UBXN2A: variants seen among roughly 807,000 people sequenced by gnomAD.
UBXN2A encodes the protein UBX domain protein 2A.
A neutral mutation model predicts 28.4 loss-of-function variants in UBXN2A; 28 were observed. The observed-to-expected ratio is 0.99, with a 90% confidence interval of 0.73 to 1.35. The LOEUF (loss-of-function observed/expected upper bound fraction) is 1.35. UBXN2A is among the 40% of genes most tolerant of loss of function. UBXN2A has a pLI of 0.00. For synonymous variants in UBXN2A, 97 were observed against 103.6 expected (o/e 0.94, Z 0.39); for missense variants, 253 against 297.9 (o/e 0.85, Z 1.11).
chr2:23,982,316 G>A (rs1018758692), intron 4 of UBXN2A, among the ~76,000 whole-genome samples: 3 of 151,610 alleles, frequency 2.0e-5, no homozygotes, highest in East Asian at 1.9e-4. Flanking sequence ...GCAGTGGGCC[G>A]AGATCGTGCC....
chr2:23,981,476 T>TAAAAAAAAAAAAA (rs55665209), intron 4 of UBXN2A, among the ~76,000 whole-genome samples: 1 of 28,910 alleles, frequency 3.5e-5, no homozygotes, highest in Non-Finnish European at 5.6e-5. Flanking sequence ...AGCTCCTATC[T>TAAAAAAAAAAAAA]AAAAAAAAAA....
intron 3 of UBXN2A, among the ~76,000 whole-genome samples, chr2:23,975,502 A>C (rs557499922): frequency 2.0e-5 from 3 of 152,320 alleles, no homozygotes; most frequent in African/African-American, 7.2e-5. Flanking sequence ...ACATTTTAAA[A>C]AGTGTTTGTG....
chr2:23,928,597 C>T (rs1053035819), intron 1 of UBXN2A, among the ~76,000 whole-genome samples: 2 of 151,848 alleles, frequency 1.3e-5, no homozygotes, highest in African/African-American at 2.4e-5. Context: ...AAATAAAATT[C>T]ACAGTACATT....
intron 3 of UBXN2A, among the ~76,000 whole-genome samples, chr2:23,973,340 CTTTTTTTT>C (rs1165746385): frequency 7.3e-6 from 1 of 136,770 alleles, no homozygotes; most frequent in African/African-American, 2.7e-5. Flanking sequence ...TTCTTTTTTT[CTTTTTTTT>C]TTTTCTCTGA....
At chr2:23,942,606 A>T (rs527972479) in intron 1 of UBXN2A, among the ~76,000 whole-genome samples, 16 of 151,360 alleles carry the variant, frequency 1.1e-4, no homozygotes, top group Admixed American at 5.9e-4. Context: ...TTTAGTAGAG[A>T]TGGAGTTTCA....
At chr2:23,940,796 G>C (rs1229139393) in intron 1 of UBXN2A, 148 bp downstream of exon 1, 1 of 152,126 alleles carries the variant, frequency 6.6e-6, no homozygotes, top group Non-Finnish European at 1.5e-5. Context: ...AGGGCCGCGT[G>C]TTTGCGACTC....
At position 24,004,208 on chromosome 2, in the gene UBXN2A, A is replaced by G. The variant is rs569079725; in HGVS notation, c.*4341A>G. On this transcript the variant is annotated 3_prime_UTR_variant, in exon 7 of 7. Coordinates refer to ENST00000309033, the MANE Select transcript of UBXN2A (RefSeq NM_181713.4). ...AATTGTTAGTTAAATGTGTATAATT[A>G]TCAAAAGAGGTTGACTTTGGAAAAC... 44 of 141,490 alleles carry G rather than the reference A, an allele frequency of 3.1e-4. No homozygotes were observed. Among genetic ancestry groups the G allele is most frequent in the Non-Finnish European group, 4.0e-4 (26 of 65,366 alleles). 8.8% of individuals were successfully genotyped at this position (141,490 alleles called of 1,614,324 possible).
At chr2:23,965,830 C>T (rs2150853501) in intron 2 of UBXN2A, among the ~76,000 whole-genome samples, 1 of 152,310 alleles carries the variant, frequency 6.6e-6, no homozygotes, top group African/African-American at 2.4e-5. Flanking sequence ...TCAGTGACAT[C>T]ATCCAGACCT....
At chr2:23,973,109 T>C (rs530386336) in intron 3 of UBXN2A, among the ~76,000 whole-genome samples, 1 of 152,036 alleles carries the variant, frequency 6.6e-6, no homozygotes, top group Admixed American at 6.6e-5. Flanking sequence ...AAGCTCTGTC[T>C]CCCAGGTTCA....
At chr2:23,998,634 T>C (rs140514298) in intron 6 of UBXN2A, among the ~76,000 whole-genome samples, 9 of 152,082 alleles carry the variant, frequency 5.9e-5, no homozygotes, top group African/African-American at 2.2e-4. Flanking sequence ...GCAGGGAGAA[T>C]TGCTTGAACC....
chr2:23,993,415 A>T lies in UBXN2A; in HGVS notation c.585-6257A>T, dbSNP rs532781132. ...GCTTTTTCTTTTCTGTTTTAAATAT[A>T]TAATATATTTTGGTAGAGACAGGGT... On this transcript the variant is annotated intron_variant, in intron 6 of 6. Transcript: ENST00000309033. 2.6e-5 allele frequency among the ~76,000 whole-genome samples: 4 copies of T among 152,156 alleles called. No individual in the cohort carries two copies. The South Asian group carries it at 8.3e-4, about 32-fold the overall frequency.
rs147255341 is a variant in UBXN2A, at chr2:23,971,963, G to T, written c.180+549G>T. 3.3e-3 allele frequency among the ~76,000 whole-genome samples: 501 copies of T among 152,108 alleles called. 4 individuals carry two copies. The highest frequency in any genetic ancestry group is 0.012 in the African/African-American group (487 of 41,516). On this transcript the variant is annotated intron_variant, in intron 3 of 6. Transcript: ENST00000309033. Reference sequence around the variant, plus strand: ...AGAATAAAAAAATTAACTGGGCGTGGTGCCATGTGCCTGTAGTCCCAGCTT... The same window carrying T: ...AGAATAAAAAAATTAACTGGGCGTGTTGCCATGTGCCTGTAGTCCCAGCTT...
At chr2:23,940,421 G>C (rs1705687715), upstream of UBXN2A, 2 of 117,280 alleles carry the variant, frequency 1.7e-5, no homozygotes, top group South Asian at 5.8e-4. Flanking sequence ...CCCCGCGTCC[G>C]CGCGCGCTCC....
At chr2:23,985,451 G>C (rs533881946) in intron 6 of UBXN2A, among the ~76,000 whole-genome samples, 14 of 152,016 alleles carry the variant, frequency 9.2e-5, no homozygotes, top group Admixed American at 4.6e-4. Flanking sequence ...GTTTCACCAG[G>C]AGTTTGGCCA....
intron 6 of UBXN2A, among the ~76,000 whole-genome samples, chr2:23,991,146 G>A (rs1315121396): frequency 6.6e-6 from 1 of 152,098 alleles, no homozygotes; most frequent in Admixed American, 6.6e-5. Context: ...TATTTTATTA[G>A]TTACCAAGAA....
intron 1 of UBXN2A, among the ~76,000 whole-genome samples, chr2:23,957,519 G>C (rs903463189): frequency 1.9e-4 from 29 of 152,068 alleles, no homozygotes; most frequent in African/African-American, 7.0e-4. Flanking sequence ...GACCAGGCTG[G>C]TCTTGAACTC....
At chr2:23,981,770 C>G (rs574865481) in intron 4 of UBXN2A, among the ~76,000 whole-genome samples, 1 of 151,902 alleles carries the variant, frequency 6.6e-6, no homozygotes, top group South Asian at 2.1e-4. Context: ...GGCCTATAGT[C>G]CCCGCTACTC....
chr2:23,955,716 T>A (rs959163789), intron 1 of UBXN2A, among the ~76,000 whole-genome samples: 5 of 152,222 alleles, frequency 3.3e-5, no homozygotes, highest in African/African-American at 1.2e-4. Context: ...ATGGTAACTA[T>A]TTGCGTATCC....
intron 1 of UBXN2A, among the ~76,000 whole-genome samples, chr2:23,943,552 A>T (rs955374194): frequency 6.6e-6 from 1 of 152,042 alleles, no homozygotes; most frequent in Non-Finnish European, 1.5e-5. Flanking sequence ...CAATGACCCA[A>T]TCTTGGCTCA....
Sources: gnomAD v4.1 joint callset for allele counts (sites outside exome capture counted in the v4.1 genomes callset) on GRCh38, gnomAD v4.1.1 for gene constraint, MANE v1.5 for transcripts, NCBI Gene and HGNC (gene_info 2026-07-23, HGNC 2026-07-21) for gene names.